PREX1: variants seen among roughly 807,000 people sequenced by gnomAD.
The protein encoded by PREX1 is phosphatidylinositol 3,4,5-trisphosphate-dependent Rac exchanger 1 protein.
Under a neutral mutation model 198.3 loss-of-function variants are expected in PREX1, and 41 were observed. That is an observed-to-expected ratio of 0.21 (90% confidence interval 0.16 to 0.27). The LOEUF is 0.27. Ranked by LOEUF, PREX1 falls within the 10% of genes least tolerant of loss-of-function variation. The probability of loss-of-function intolerance (pLI) is 1.00; values close to 1 mark genes in which losing one functional copy is unlikely to be tolerated. For synonymous variants in PREX1, 843 were observed against 887.2 expected (o/e 0.95, Z 0.89); for missense variants, 1,620 against 2,200.7 (o/e 0.74, Z 5.28).
At chr20:48,646,524 T>TC (rs1488609734) in intron 25 of PREX1, among the ~76,000 whole-genome samples, 1 of 151,900 alleles carries the variant, frequency 6.6e-6, no homozygotes, top group Non-Finnish European at 1.5e-5. Context: ...AAACCCTGTC[T>TC]CTACTAACAA....
chr20:48,651,088 C>T (rs1369829953), intron 22 of PREX1, 33 bp from the exon 23 acceptor site: 4 of 1,609,592 alleles, frequency 2.5e-6, no homozygotes, highest in Non-Finnish European at 3.4e-6. Context: ...TGAGCATTCC[C>T]TGTGTGCCGG....
At chr20:48,693,183 A>AGTCCGTCC (rs1241528047) in intron 7 of PREX1, among the ~76,000 whole-genome samples, 2 of 123,750 alleles carry the variant, frequency 1.6e-5, no homozygotes, top group African/African-American at 3.7e-5. Context: ...TGGAACTGGC[A>AGTCCGTCC]GTCCGTCCAT....
chr20:48,886,142 G>C, the PREX1 span, among the ~76,000 whole-genome samples: 1 of 152,226 alleles, frequency 6.6e-6, no homozygotes, highest in South Asian at 2.1e-4. Context: ...GATGTCAGTA[G>C]TAGGGGAGGT....
intron 10 of PREX1, among the ~76,000 whole-genome samples, chr20:48,685,206 TG>T (rs1194695548): frequency 6.6e-6 from 1 of 152,190 alleles, no homozygotes; most frequent in Admixed American, 6.5e-5. Flanking sequence ...TAACACTGAG[TG>T]GGTGAATGAA....
chr20:48,790,743 C>A (rs2090335336), intron 1 of PREX1, among the ~76,000 whole-genome samples: 1 of 152,180 alleles, frequency 6.6e-6, no homozygotes, highest in Admixed American at 6.5e-5. Flanking sequence ...ACACTGAATG[C>A]CGAGACAGTG....
rs141278573 is a variant in PREX1 at position 48,722,547 on chromosome 20, C to T, written c.621+3743G>A. On this transcript the variant is annotated intron_variant, in intron 5 of 39. Transcript: ENST00000371941. ...ATTATTGTGGTAATGGTTGCACAACCCTTGAGTATGCTTTTTTAAAAAAGG... is the reference window on the plus strand; with the variant it reads ...ATTATTGTGGTAATGGTTGCACAACTCTTGAGTATGCTTTTTTAAAAAAGG... Among the ~76,000 whole-genome samples, 54 of 152,192 alleles carry T rather than the reference C, an allele frequency of 3.5e-4. No homozygotes were observed. In the East Asian group the frequency reaches 9.8e-3, roughly 28 times the overall value.
chr20:48,800,167 T>A (rs11697531), intron 1 of PREX1, among the ~76,000 whole-genome samples: 25,579 of 152,212 alleles, frequency 0.17, 2,752 homozygotes, highest in Non-Finnish European at 0.23. Context: ...CCCCACGTTT[T>A]ACAAGTGGAA....
chr20:48,755,140 G>A (rs1035350228), intron 1 of PREX1, among the ~76,000 whole-genome samples: 2 of 152,168 alleles, frequency 1.3e-5, no homozygotes, highest in East Asian at 3.8e-4. Flanking sequence ...GTTTGCAGAA[G>A]TCTATTTAAT....
At chr20:48,758,474 G>T (rs775994891) in intron 1 of PREX1, among the ~76,000 whole-genome samples, 10 of 152,188 alleles carry the variant, frequency 6.6e-5, no homozygotes, top group Non-Finnish European at 1.5e-4. Context: ...CCGAGCTTGG[G>T]GGGGTGAAAG....
At chr20:48,720,031 C>A (rs2089978499) in intron 5 of PREX1, among the ~76,000 whole-genome samples, 1 of 152,196 alleles carries the variant, frequency 6.6e-6, no homozygotes, top group Non-Finnish European at 1.5e-5. Context: ...GTCACCCTGG[C>A]CTCCTCACTG....
In PREX1 at chr20:48,625,675, T is replaced by C. The variant is rs780817266; in HGVS notation, c.*210A>G. The C allele has an allele frequency of 6.9e-6, 4 of 577,978 alleles. No homozygotes were observed. Among genetic ancestry groups the C allele is most frequent in the African/African-American group, 2.0e-5 (1 of 50,050 alleles). 35.8% of individuals were successfully genotyped at this position (577,978 alleles called of 1,614,324 possible). A position where few individuals can be genotyped will look rare whatever the true frequency, so the allele number is the denominator to read the frequency against. ...CAGCTTCTGGCAGGCGTGTGAAGAA[T>C]GGGCCGGCCCAGGGCCAATCAGCCA... On this transcript the variant is annotated 3_prime_UTR_variant, in exon 40 of 40. Coordinates refer to ENST00000371941, the MANE Select transcript of PREX1 (RefSeq NM_020820.4).
intron 20 of PREX1, 50 bp downstream of exon 20, chr20:48,653,311 C>A: frequency 1.3e-6 from 2 of 1,595,218 alleles, no homozygotes; most frequent in Non-Finnish European, 1.7e-6. Flanking sequence ...CAGCCACCCA[C>A]CCCCACTCAG....
chr20:48,754,002 T>C (rs1209981950), intron 1 of PREX1, among the ~76,000 whole-genome samples: 1 of 152,198 alleles, frequency 6.6e-6, no homozygotes, highest in Non-Finnish European at 1.5e-5. Context: ...TCAATTTCCT[T>C]GGCCGTCTAC....
At chr20:48,867,499 ATCCTAGAACTTTTGTTG>A in the PREX1 span, among the ~76,000 whole-genome samples, 65 of 152,370 alleles carry the variant, frequency 4.3e-4, no homozygotes, top group East Asian at 0.012. Context: ...ATGAGAATCC[ATCCTAGAACTTTTGTTG>A]GTCAAAGGAG....
intron 14 of PREX1, among the ~76,000 whole-genome samples, chr20:48,670,986 C>T (rs1381211519): frequency 6.6e-6 from 1 of 152,228 alleles, no homozygotes; most frequent in East Asian, 1.9e-4. Context: ...CCGGAGCTGA[C>T]AGAGAGTGCA....
chr20:48,786,817 A>AAGAGAAAGAGAGAGAGGGAAAGAAAGAG (rs34723760), intron 1 of PREX1, among the ~76,000 whole-genome samples: 2 of 140,102 alleles, frequency 1.4e-5, no homozygotes, highest in Admixed American at 1.5e-4. Flanking sequence ...GAAGGAAAGA[A>AAGAGAAAGAGAGAGAGGGAAAGAAAGAG]AAAGAGAGAG....
rs750435837 is a variant in PREX1, at chr20:48,649,542, G to A, written c.3063C>T (p.Cys1021=). ...AGGAGGGAGCAGCCATGGTGGTGAT[G>A]CAGTGCTGGGTGTACGACATGGGGT... ...HLNPMSYTQH[C]ITTMAAPSWK... is the part of the protein sequence containing the mutation. Residue 1021 remains cysteine, a synonymous_variant, in exon 25 of 40, where the codon TGC becomes TGT. Coordinates refer to ENST00000371941, the MANE Select transcript of PREX1 (RefSeq NM_020820.4). 2 of 1,610,002 alleles carry A rather than the reference G, an allele frequency of 1.2e-6. No homozygotes were observed.
chr20:48,810,895 A>AAAT (rs1304767483), intron 1 of PREX1, among the ~76,000 whole-genome samples: 1 of 151,912 alleles, frequency 6.6e-6, no homozygotes, highest in Non-Finnish European at 1.5e-5. Flanking sequence ...CTCAAAAAAA[A>AAAT]AATAATAATA....
chr20:48,768,135 A>C (rs1300274271), intron 1 of PREX1, among the ~76,000 whole-genome samples: 2 of 152,228 alleles, frequency 1.3e-5, no homozygotes, highest in East Asian at 1.9e-4. Flanking sequence ...CCAAGCTTCC[A>C]TTCCTATGTA....
Sources: allele counts gnomAD v4.1 joint callset (sites outside exome capture counted in the v4.1 genomes callset), GRCh38; gene constraint gnomAD v4.1.1; transcripts MANE v1.5; gene names NCBI Gene and HGNC (gene_info 2026-07-23, HGNC 2026-07-21).